Variants in DIAPH2 observed in about 807,000 individuals in gnomAD.
DIAPH2 encodes protein diaphanous homolog 2.
A neutral mutation model predicts 92.7 loss-of-function variants in DIAPH2; 35 were observed. The ratio of observed to expected loss-of-function variants is 0.38; its 90% CI spans 0.29 to 0.50. DIAPH2 has a LOEUF of 0.50. Among genes scored for constraint, DIAPH2 ranks in the 20% least tolerant of loss-of-function variants. DIAPH2 has a pLI of 0.94. For synonymous variants in DIAPH2, 301 were observed against 280.4 expected, an observed-to-expected ratio of 1.07 and a Z score of -0.73; for missense variants, 701 against 819.5, an observed-to-expected ratio of 0.86 and a Z score of 1.77.
intron 26 of DIAPH2, among the ~76,000 whole-genome samples, chrX:97,529,866 T>G (rs941963916): frequency 8.9e-6 from 1 of 112,201 alleles, no homozygotes; most frequent in African/African-American, 3.2e-5. Context: ...CTGAAAATTG[T>G]ATAGTAACTT....
chrX:97,349,096 T>A (rs868066898), intron 24 of DIAPH2, among the ~76,000 whole-genome samples: 11 of 94,112 alleles, frequency 1.2e-4, no homozygotes, highest in East Asian at 3.7e-4. Context: ...TTTTTTTTTT[T>A]AATTTTTTTT....
At chrX:97,112,842 A>G (rs2066991839) in intron 20 of DIAPH2, among the ~76,000 whole-genome samples, 1 of 88,204 alleles carries the variant, frequency 1.1e-5, no homozygotes, top group African/African-American at 4.6e-5. Context: ...CAGTGGCACA[A>G]TCTCGGCTCA....
intron 23 of DIAPH2, among the ~76,000 whole-genome samples, chrX:97,296,025 C>A: frequency 9.0e-6 from 1 of 111,283 alleles, no homozygotes; most frequent in Non-Finnish European, 1.9e-5. Flanking sequence ...AGCCACCATA[C>A]GCAGCCATAT....
chrX:96,803,059 A>T lies in DIAPH2; in HGVS notation c.447+44801A>T, dbSNP rs182264808. Among the ~76,000 whole-genome samples the T allele has an allele frequency of 6.1e-3, 675 of 111,051 alleles. 4 individuals carry two copies. Among genetic ancestry groups the T allele is most frequent in the Admixed American group, 0.036 (376 of 10,491 alleles). ...CCTAGCCACACTGGCAGCTGATTAG[A>T]TGGTGCCCACCCAGATTGAGGGTGG... On this transcript the variant is annotated intron_variant, in intron 4 of 26. Coordinates refer to ENST00000324765, the MANE Select transcript of DIAPH2 (RefSeq NM_006729.5).
At chrX:97,387,118 G>A (rs1318068375) in intron 25 of DIAPH2, among the ~76,000 whole-genome samples, 3 of 111,253 alleles carry the variant, frequency 2.7e-5, no homozygotes, top group Admixed American at 9.6e-5. Flanking sequence ...ATGATGGAGT[G>A]CAGTGCCATG....
intron 26 of DIAPH2, among the ~76,000 whole-genome samples, chrX:97,463,168 T>G (rs2070473993): frequency 9.1e-6 from 1 of 110,088 alleles, no homozygotes; most frequent in Admixed American, 9.8e-5. Context: ...AATCTAGTGC[T>G]TGAAACGAGA....
At chrX:97,102,181 AC>A (rs2066910402) in intron 20 of DIAPH2, among the ~76,000 whole-genome samples, 6 of 111,360 alleles carry the variant, frequency 5.4e-5, no homozygotes, top group African/African-American at 2.0e-4. Flanking sequence ...TATCTTTTTG[AC>A]ATTTTAGCCT....
At chrX:97,078,379 G>A (rs373426313) in intron 19 of DIAPH2, among the ~76,000 whole-genome samples, 18 of 111,486 alleles carry the variant, frequency 1.6e-4, no homozygotes, top group African/African-American at 5.8e-4. Flanking sequence ...AATTCAGGGG[G>A]TCCTGAACTT....
At position 96,802,674 on chromosome X, in the gene DIAPH2, C is replaced by T. The variant is rs139214280; in HGVS notation, c.447+44416C>T. On this transcript the variant is annotated intron_variant, in intron 4 of 26. Transcript: ENST00000324765. Reference sequence around the variant, plus strand: ...TTTCCAAGGTGGTTGTATTAGTCAGCGTTCTCCAGAGGGACAGAACTAATA... The same window carrying T: ...TTTCCAAGGTGGTTGTATTAGTCAGTGTTCTCCAGAGGGACAGAACTAATA... Among the ~76,000 whole-genome samples the T allele has an allele frequency of 2.3e-3, 252 of 111,423 alleles. 1 individual carries two copies. Among genetic ancestry groups the T allele is most frequent in the Non-Finnish European group, 9.6e-4 (51 of 53,078 alleles).
chrX:97,597,746 C>T (rs2071563474), intron 26 of DIAPH2, among the ~76,000 whole-genome samples: 1 of 111,644 alleles, frequency 9.0e-6, no homozygotes, highest in Non-Finnish European at 1.9e-5. Flanking sequence ...GTCCTTTATT[C>T]GGGAATGTTA....
At chrX:97,061,693 A>C (rs753078235) in intron 17 of DIAPH2, among the ~76,000 whole-genome samples, 1 of 108,496 alleles carries the variant, frequency 9.2e-6, no homozygotes, top group East Asian at 2.9e-4. Context: ...GCACGCCTGT[A>C]ATCCCAGCTA....
chrX:97,560,912 A>T (rs1236691982), intron 26 of DIAPH2, among the ~76,000 whole-genome samples: 1 of 112,487 alleles, frequency 8.9e-6, no homozygotes, highest in Non-Finnish European at 1.9e-5. Context: ...CATTAACAAG[A>T]ATTTTCATAT....
intron 5 of DIAPH2, among the ~76,000 whole-genome samples, chrX:96,897,691 A>C (rs888521758): frequency 2.7e-5 from 3 of 110,916 alleles, no homozygotes; most frequent in African/African-American, 9.8e-5. Context: ...ATGTTAAACA[A>C]TTAAAAAAAA....
At position 97,164,756 on chromosome X, in the gene DIAPH2, T is replaced by C. The variant is rs927664070; in HGVS notation, c.2719+22962T>C. Among the ~76,000 whole-genome samples, 5 of 112,324 alleles carry C rather than the reference T, an allele frequency of 4.5e-5. No individual in the cohort carries two copies. The East Asian group carries it at 8.3e-4, about 19-fold the overall frequency. ...TTCTCTTCTTTGTTCTTTTACCTAG[T>C]AGTGTTTTACAACTTTTTGAAACAT... is the stretch of plus-strand genomic sequence containing the variant. On this transcript the variant is annotated intron_variant, in intron 22 of 26. Coordinates refer to ENST00000324765, the MANE Select transcript of DIAPH2 (RefSeq NM_006729.5).
At chrX:97,350,218 G>A (rs939218323) in intron 24 of DIAPH2, among the ~76,000 whole-genome samples, 1 of 110,769 alleles carries the variant, frequency 9.0e-6, no homozygotes, top group Non-Finnish European at 1.9e-5. Context: ...GCTGAGGCAG[G>A]AGAATCGCTT....
At chrX:97,256,507 A>G (rs1175348110) in intron 23 of DIAPH2, among the ~76,000 whole-genome samples, 1 of 112,443 alleles carries the variant, frequency 8.9e-6, no homozygotes, top group Non-Finnish European at 1.9e-5. Flanking sequence ...TACTGTTTTC[A>G]TAATGCAGAA....
chrX:96,840,942 T>C (rs972107562), intron 4 of DIAPH2, among the ~76,000 whole-genome samples: 2 of 111,923 alleles, frequency 1.8e-5, no homozygotes, highest in African/African-American at 3.2e-5. Flanking sequence ...GTTTCCCTTC[T>C]CTTCTAGTTT....
At chrX:97,370,203 T>C (rs1355467281) in intron 24 of DIAPH2, among the ~76,000 whole-genome samples, 1 of 111,760 alleles carries the variant, frequency 8.9e-6, no homozygotes, top group Non-Finnish European at 1.9e-5. Flanking sequence ...TTCTTACCTT[T>C]ATTGCTTCCC....
chrX:97,535,944 A>G (rs1346037736), intron 26 of DIAPH2, among the ~76,000 whole-genome samples: 1 of 112,325 alleles, frequency 8.9e-6, no homozygotes, highest in Non-Finnish European at 1.9e-5. Context: ...GGTGAACACA[A>G]TTTATACAAA....
Sources: allele counts gnomAD v4.1 joint callset (sites outside exome capture counted in the v4.1 genomes callset), GRCh38; gene constraint gnomAD v4.1.1; transcripts MANE v1.5; gene names NCBI Gene and HGNC (gene_info 2026-07-23, HGNC 2026-07-21).